The following RINT1 variants were observed in gnomAD, a reference collection of about 807,000 sequenced individuals.
RINT1 encodes RAD50-interacting protein 1.
In RINT1, 75 loss-of-function variants were observed where a neutral mutation model predicts 97.7. The observed-to-expected ratio is 0.77, with a 90% CI of 0.64 to 0.93. The LOEUF (loss-of-function observed/expected upper bound fraction) is 0.93, where lower values mean the gene tolerates loss of function less well. Among genes scored for constraint, RINT1 ranks in the 40% least tolerant of loss-of-function variants. The pLI, the probability that RINT1 is intolerant of heterozygous loss-of-function variation, is 0.00. For missense variants in RINT1, 892 were observed against 925.2 expected, an observed-to-expected ratio of 0.96 and a Z score of 0.47; for synonymous variants, 303 against 326.3, an observed-to-expected ratio of 0.93 and a Z score of 0.77.
In RINT1 at chr7:105,551,627, A is replaced by C. The variant is rs1790930954; in HGVS notation, c.1391A>C (p.Tyr464Ser). 6.2e-7 allele frequency: 1 copy of C among 1,612,032 alleles called. No homozygotes were observed. Among genetic ancestry groups the C allele is most frequent in the African/African-American group, 1.3e-5 (1 of 74,882 alleles). ...LSSEAAWVSQ[Y>S]KDITDVDEMK... Reference sequence around the variant, plus strand: ...TCAGAAGCTGCCTGGGTATCGCAATATAAGGATATCACTGACGTGGATGAA... The same window carrying C: ...TCAGAAGCTGCCTGGGTATCGCAATCTAAGGATATCACTGACGTGGATGAA... Residue 464 changes from tyrosine (Y) to serine (S), a missense_variant, in exon 10 of 15, where the codon TAT becomes TCT. Coordinates refer to ENST00000257700, the MANE Select transcript of RINT1 (RefSeq NM_021930.6).
chr7:105,537,793 G>C (rs751598904), intron 3 of RINT1, among the ~76,000 whole-genome samples: 2 of 151,828 alleles, frequency 1.3e-5, no homozygotes. Flanking sequence ...CTGAGATCAT[G>C]CCATCGCACT....
intron 11 of RINT1, among the ~76,000 whole-genome samples, chr7:105,561,476 G>A (rs183140333): frequency 1.3e-5 from 2 of 152,112 alleles, no homozygotes; most frequent in Admixed American, 6.6e-5. Context: ...GCAGTAAGCC[G>A]AGATTGCTCC....
intron 3 of RINT1, 35 bp downstream of exon 3, chr7:105,536,784 G>A (rs373204647): frequency 9.2e-5 from 120 of 1,307,692 alleles, no homozygotes; most frequent in Non-Finnish European, 1.2e-4. Context: ...AATTATCAGT[G>A]GAATACTTTT....
rs1352349454 is a variant in RINT1, at chr7:105,547,229, AC to A, written c.740del (p.Pro247LeufsTer8). On this transcript the variant is annotated frameshift_variant, in exon 6 of 15. Coordinates refer to ENST00000257700, the MANE Select transcript of RINT1 (RefSeq NM_021930.6). LOFTEE classifies it high-confidence loss of function. ...CACAGCTTCATTGGCCATTCATCGC[AC>A]CCCCTCAATCACAAACTGTTGGCTT... ...LAQLHWPFIA[P>X]PQSQTVGLSR... is the part of the protein sequence containing the mutation. The A allele has an allele frequency of 6.2e-7, 1 of 1,614,012 alleles. No homozygotes were observed. Among genetic ancestry groups the A allele is most frequent in the Non-Finnish European group, 8.5e-7 (1 of 1,180,000 alleles).
At chr7:105,547,965 G>C (rs866858405) in intron 6 of RINT1, among the ~76,000 whole-genome samples, 1 of 151,862 alleles carries the variant, frequency 6.6e-6, no homozygotes, top group Non-Finnish European at 1.5e-5. Flanking sequence ...GACCTCAGGT[G>C]ATCCACCCGC....
Position 105,536,654 on chromosome 7 carries a change from A to C in RINT1, c.178A>C (p.Ile60Leu), listed in dbSNP as rs745420669. The change falls in exon 3 of 15, where the codon ATA (isoleucine) becomes CTA (leucine). Residue 60 changes from isoleucine to leucine, a missense_variant. Physicochemically the swap from Ile to Leu is conservative, Grantham distance 5 (BLOSUM62 2). Transcript: ENST00000257700. ...GDLPSYVSAF[I>L]EKEVGNDLKS... ...TCTCCCTTCTTATGTGTCTGCATTC[A>C]TAGAAAAGGAAGTTGGAAATGACCT... 1 of 1,612,954 alleles carries C rather than the reference A, an allele frequency of 6.2e-7. No homozygotes were observed. Among genetic ancestry groups the C allele is most frequent in the Non-Finnish European group, 8.5e-7 (1 of 1,179,156 alleles).
intron 11 of RINT1, among the ~76,000 whole-genome samples, chr7:105,557,673 A>G (rs1208000616): frequency 2.0e-5 from 3 of 152,180 alleles, no homozygotes; most frequent in African/African-American, 4.8e-5. Flanking sequence ...AAAGCATTGT[A>G]TAGCAGAAAA....
chr7:105,548,582 C>A lies in RINT1; in HGVS notation c.868C>A (p.Leu290Ile). ...SDELLTEPKQ[L>I]PEKYSLPASP... Reference sequence around the variant, plus strand: ...TGAATTACTTACTGAGCCAAAGCAACTCCCAGAAAAATACTCTCTTCCTGC... The same window carrying A: ...TGAATTACTTACTGAGCCAAAGCAAATCCCAGAAAAATACTCTCTTCCTGC... Residue 290 changes from leucine to isoleucine, a missense_variant, in exon 7 of 15, where the codon CTC becomes ATC. Transcript: ENST00000257700. The A allele has an allele frequency of 6.2e-7, 1 of 1,614,120 alleles. No individual in the cohort carries two copies.
intron 2 of RINT1, among the ~76,000 whole-genome samples, chr7:105,535,381 C>T (rs1007236177): frequency 6.6e-6 from 1 of 151,822 alleles, no homozygotes; most frequent in Non-Finnish European, 1.5e-5. Flanking sequence ...AAGCGTGCAC[C>T]GCCATGCCCA....
At chr7:105,560,353 A>C (rs915048025) in intron 11 of RINT1, among the ~76,000 whole-genome samples, 1 of 152,294 alleles carries the variant, frequency 6.6e-6, no homozygotes, top group South Asian at 2.1e-4. Context: ...AGATTGGGGA[A>C]GTGTTTCCCC....
At position 105,544,359 on chromosome 7, in the gene RINT1, T is replaced by G. The variant is rs867841989; in HGVS notation, c.515+1710T>G. On this transcript the variant is annotated intron_variant, in intron 4 of 14. Coordinates refer to ENST00000257700, the MANE Select transcript of RINT1 (RefSeq NM_021930.6). ...GTAGTAGCCAAAGTAATAGATTAAC[T>G]AAATTAGGTCCATGGTTATTGATAA... Among the ~76,000 whole-genome samples the G allele has an allele frequency of 2.0e-4, 30 of 152,236 alleles. 1 individual carries two copies. Among genetic ancestry groups the G allele is most frequent in the African/African-American group, 7.0e-4 (29 of 41,584 alleles).
Position 105,546,906 on chromosome 7 carries a change from A to G in RINT1, c.516-4A>G. ...AAAAAAAATTTGCTTTACTTTGTTT[A>G]CAGTGATAACATTCAGCAATATCTG... On this transcript the variant is annotated splice_polypyrimidine_tract_variant and splice_region_variant and intron_variant, in intron 4 of 14. Coordinates refer to ENST00000257700, the MANE Select transcript of RINT1 (RefSeq NM_021930.6). The G allele has an allele frequency of 1.3e-6, 2 of 1,590,484 alleles. No individual in the cohort carries two copies. Among genetic ancestry groups the G allele is most frequent in the Non-Finnish European group, 8.5e-7 (1 of 1,171,868 alleles).
At chr7:105,549,475 A>G (rs1367788113) in intron 7 of RINT1, among the ~76,000 whole-genome samples, 1 of 151,726 alleles carries the variant, frequency 6.6e-6, no homozygotes, top group Non-Finnish European at 1.5e-5. Context: ...CAGCCTCTTG[A>G]GTAGCTGGGA....
chr7:105,567,120 A>G lies in RINT1; in HGVS notation c.2188A>G (p.Ile730Val), dbSNP rs778784751. The change falls in exon 15 of 15, where the codon ATA becomes GTA. Residue 730 changes from isoleucine to valine, a missense_variant and splice_region_variant. Ile to Val is a conservative substitution (Grantham distance 29). Coordinates refer to ENST00000257700, the MANE Select transcript of RINT1 (RefSeq NM_021930.6). ...CCCTCCTTTGTTTTCCCTAAACAGT[A>G]TAAAAGAAGCCTGTATTGTTTTGAA... ...CKRPENYFKH[I>V]KEACIVLNLN... 6.4e-7 allele frequency: 1 copy of G among 1,552,952 alleles called. No homozygotes were observed. The highest frequency in any genetic ancestry group is 8.7e-7 in the Non-Finnish European group (1 of 1,154,970).
chr7:105,542,711 G>T, intron 4 of RINT1, 62 bp downstream of exon 4: 1 of 1,503,476 alleles, frequency 6.7e-7, no homozygotes. Context: ...GTCTTAGAGA[G>T]TACATGTGTG....
chr7:105,567,352 A>G lies in RINT1; in HGVS notation c.*41A>G, dbSNP rs751303100. ...GGTTTCTTTGGTTTTTGTTTCTAAGAAAGAGGAAGCCAATTGGATTTCAAG... is the reference window on the plus strand; with the variant it reads ...GGTTTCTTTGGTTTTTGTTTCTAAGGAAGAGGAAGCCAATTGGATTTCAAG... On this transcript the variant is annotated 3_prime_UTR_variant, in exon 15 of 15. Coordinates refer to ENST00000257700, the MANE Select transcript of RINT1 (RefSeq NM_021930.6). 3.6e-6 allele frequency: 5 copies of G among 1,389,150 alleles called. No homozygotes were observed. The East Asian group carries it at 6.9e-5, about 19-fold the overall frequency. The allele number at this position is 1,389,150 out of a possible 1,614,324, so 86.1% of individuals were successfully genotyped here.
chr7:105,546,260 T>C (rs1447308713), intron 4 of RINT1, among the ~76,000 whole-genome samples: 1 of 152,202 alleles, frequency 6.6e-6, no homozygotes, highest in African/African-American at 2.4e-5. Context: ...GAAGACTTTG[T>C]AAAAGGCAGA....
intron 10 of RINT1, among the ~76,000 whole-genome samples, chr7:105,554,460 A>T (rs1162133754): frequency 1.5e-4 from 21 of 142,002 alleles, no homozygotes; most frequent in Non-Finnish European, 6.1e-5. Flanking sequence ...TTTTTGTTAG[A>T]TGGAGTCTCA....
intron 4 of RINT1, among the ~76,000 whole-genome samples, chr7:105,545,070 G>C (rs1193732277): frequency 6.6e-6 from 1 of 151,974 alleles, no homozygotes. Flanking sequence ...ATCACTCTGA[G>C]TGAACCTTGT....
Sources: allele counts gnomAD v4.1 joint callset (sites outside exome capture counted in the v4.1 genomes callset), GRCh38; gene constraint gnomAD v4.1.1; transcripts MANE v1.5; gene names NCBI Gene and HGNC (gene_info 2026-07-23, HGNC 2026-07-21).